FUT9: variants seen among roughly 807,000 people sequenced by gnomAD.
FUT9 encodes 4-galactosyl-N-acetylglucosaminide 3-alpha-L-fucosyltransferase 9.
Under a neutral mutation model 29.7 loss-of-function variants are expected in FUT9, and 15 were observed. That is an observed-to-expected ratio of 0.51 (90% CI 0.34 to 0.78). The LOEUF (loss-of-function observed/expected upper bound fraction) is 0.78. Ranked by LOEUF, FUT9 falls within the 30% of genes least tolerant of loss-of-function variation. The probability of loss-of-function intolerance (pLI) is 0.01; values close to 1 mark genes in which losing one functional copy is unlikely to be tolerated. For missense variants in FUT9, 319 were observed against 425.4 expected (o/e 0.75, Z 2.20); for synonymous variants, 169 against 153.7 (o/e 1.10, Z -0.74).
At chr6:96,036,002 T>C (rs1161206491) in intron 1 of FUT9, among the ~76,000 whole-genome samples, 30 of 106,648 alleles carry the variant, frequency 2.8e-4, no homozygotes, top group Non-Finnish European at 4.4e-4. Context: ...TAATATAATA[T>C]AATACATTAT....
chr6:96,058,909 T>C (rs2493357), intron 1 of FUT9, among the ~76,000 whole-genome samples: 106,307 of 152,018 alleles, frequency 0.7, 38,205 homozygotes, highest in African/African-American at 0.88. Flanking sequence ...CAAAAATTTC[T>C]CCCTCTTTTA....
chr6:96,110,519 G>A (rs1771781792), intron 1 of FUT9, among the ~76,000 whole-genome samples: 1 of 152,062 alleles, frequency 6.6e-6, no homozygotes, highest in Non-Finnish European at 1.5e-5. Flanking sequence ...ACTTAATTAA[G>A]AATTTCAAAA....
chr6:96,020,673 A>G (rs1770051492), intron 1 of FUT9, among the ~76,000 whole-genome samples: 1 of 152,102 alleles, frequency 6.6e-6, no homozygotes, highest in Non-Finnish European at 1.5e-5. Context: ...GAAGAATAAC[A>G]TGGTGACATA....
intron 2 of FUT9, among the ~76,000 whole-genome samples, chr6:96,127,659 A>G (rs1257511636): frequency 6.6e-6 from 1 of 152,174 alleles, no homozygotes; most frequent in Non-Finnish European, 1.5e-5. Context: ...TCAGCAGTGT[A>G]TAAGTGTTCT....
intron 1 of FUT9, among the ~76,000 whole-genome samples, chr6:96,048,752 T>C (rs1770611031): frequency 6.6e-6 from 1 of 152,124 alleles, no homozygotes; most frequent in South Asian, 2.1e-4. Context: ...CCTGGACACG[T>C]CCTAAGTGCC....
intron 1 of FUT9, among the ~76,000 whole-genome samples, chr6:96,058,642 T>G (rs1436252921): frequency 6.6e-6 from 1 of 152,090 alleles, no homozygotes; most frequent in Non-Finnish European, 1.5e-5. Context: ...AATAATAAAT[T>G]TATAAATGTT....
intron 1 of FUT9, among the ~76,000 whole-genome samples, chr6:96,025,698 C>A (rs1414153479): frequency 1.3e-5 from 2 of 151,532 alleles, no homozygotes; most frequent in Non-Finnish European, 1.5e-5. Flanking sequence ...ATTTAATAGG[C>A]CTGCAGGGCT....
intron 2 of FUT9, among the ~76,000 whole-genome samples, chr6:96,129,815 C>A (rs77967279): frequency 0.028 from 4,208 of 151,906 alleles, 124 homozygotes; most frequent in South Asian, 0.13. Context: ...ATAAGTCATG[C>A]AAATACAGGT....
intron 1 of FUT9, among the ~76,000 whole-genome samples, chr6:96,077,100 T>A (rs746297814): frequency 4.6e-5 from 7 of 152,242 alleles, no homozygotes; most frequent in South Asian, 2.1e-4. Context: ...TACTCACAAA[T>A]ACACAAATGC....
Position 96,203,573 on chromosome 6 carries a change from A to G in FUT9, c.418A>G (p.Thr140Ala). The G allele has an allele frequency of 6.2e-7, 1 of 1,613,480 alleles. No individual in the cohort carries two copies. Among genetic ancestry groups the G allele is most frequent in the Non-Finnish European group, 8.5e-7 (1 of 1,179,876 alleles). Reference protein sequence around the residue: ...KWIWMNLESPTHTPQKSGIEH... With the variant: ...KWIWMNLESPAHTPQKSGIEH... ...GATTTGGATGAATTTGGAATCACCA[A>G]CTCACACTCCCCAAAAGAGTGGCAT... The change falls in exon 3 of 3, where the codon ACT becomes GCT. Residue 140 changes from threonine to alanine, a missense_variant. Physicochemically the swap from Thr to Ala is moderately conservative, Grantham distance 58. Coordinates refer to ENST00000302103, the MANE Select transcript of FUT9 (RefSeq NM_006581.4).
At position 96,199,092 on chromosome 6, in the gene FUT9, A is replaced by G. The variant is rs559129819; in HGVS notation, c.-8-4056A>G. Among the ~76,000 whole-genome samples, 54 of 152,294 alleles carry G rather than the reference A, an allele frequency of 3.5e-4. No homozygotes were observed. In the South Asian group the frequency reaches 9.1e-3, roughly 26 times the overall value. On this transcript the variant is annotated intron_variant, in intron 2 of 2. Coordinates refer to ENST00000302103, the MANE Select transcript of FUT9 (RefSeq NM_006581.4). ...GTTACATTCTCTCATAGTACTTGAAACTACTAAAAATAATTGAAAAGGTTT... is the reference window on the plus strand; with the variant it reads ...GTTACATTCTCTCATAGTACTTGAAGCTACTAAAAATAATTGAAAAGGTTT...
chr6:96,096,307 A>G (rs1473315949), intron 1 of FUT9, among the ~76,000 whole-genome samples: 1 of 152,004 alleles, frequency 6.6e-6, no homozygotes, highest in Non-Finnish European at 1.5e-5. Context: ...TCTCACCTCA[A>G]TCATTCTAAT....
chr6:96,173,713 A>C (rs955903702), intron 2 of FUT9, among the ~76,000 whole-genome samples: 13 of 152,052 alleles, frequency 8.5e-5, no homozygotes, highest in Non-Finnish European at 5.9e-5. Flanking sequence ...TTTTATATTT[A>C]CAATATGCTA....
chr6:96,076,522 G>A (rs996876930), intron 1 of FUT9, among the ~76,000 whole-genome samples: 3 of 151,960 alleles, frequency 2.0e-5, no homozygotes, highest in Admixed American at 1.3e-4. Context: ...TTAGCATTTC[G>A]CCATGTGAGA....
chr6:96,085,999 G>A lies in FUT9; in HGVS notation c.-97-28040G>A, dbSNP rs76861404. 4.4e-3 allele frequency among the ~76,000 whole-genome samples: 677 copies of A among 152,164 alleles called. 5 individuals are homozygous for A. The highest frequency in any genetic ancestry group is 0.016 in the African/African-American group (655 of 41,518). ...TGTAAAATTACTTATTCATCAGTAG[G>A]ACAATTGTATAATTTATCCTCCACA... On this transcript the variant is annotated intron_variant, in intron 1 of 2. Transcript: ENST00000302103.
chr6:96,074,982 C>G (rs570377974), intron 1 of FUT9, among the ~76,000 whole-genome samples: 1 of 152,108 alleles, frequency 6.6e-6, no homozygotes, highest in Non-Finnish European at 1.5e-5. Flanking sequence ...AGAGGTCTCA[C>G]TGTGTTGCCC....
chr6:96,155,901 T>C (rs963578845), intron 2 of FUT9, among the ~76,000 whole-genome samples: 4 of 152,208 alleles, frequency 2.6e-5, no homozygotes, highest in East Asian at 1.9e-4. Flanking sequence ...TCTACCCAGT[T>C]TGTGGTATTT....
intron 2 of FUT9, among the ~76,000 whole-genome samples, chr6:96,151,639 A>C (rs1772677876): frequency 6.6e-6 from 1 of 152,054 alleles, no homozygotes; most frequent in South Asian, 2.1e-4. Flanking sequence ...AACTCCCCTA[A>C]ATTCTCAAGA....
At chr6:96,034,462 C>G (rs1221731881) in intron 1 of FUT9, among the ~76,000 whole-genome samples, 2 of 151,310 alleles carry the variant, frequency 1.3e-5, no homozygotes, top group African/African-American at 4.8e-5. Context: ...CAAAATGGAC[C>G]ATAAAGTATA....
Sources: allele counts gnomAD v4.1 joint callset (sites outside exome capture counted in the v4.1 genomes callset), GRCh38; gene constraint gnomAD v4.1.1; transcripts MANE v1.5; gene names NCBI Gene and HGNC (gene_info 2026-07-23, HGNC 2026-07-21).